Variants in E2F7 observed in about 807,000 individuals in gnomAD.
E2F7 encodes the protein transcription factor E2F7.
E2F7 carries 35 observed loss-of-function variants against 81.1 expected under a neutral mutation model. That is an observed-to-expected ratio of 0.43 (90% CI 0.33 to 0.57). E2F7 has a LOEUF of 0.57. Ranked by LOEUF, E2F7 falls within the 20% of genes least tolerant of loss-of-function variation. The probability of loss-of-function intolerance (pLI) is 0.04; values close to 1 mark genes in which losing one functional copy is unlikely to be tolerated. For missense variants in E2F7, 961 were observed against 1,093.7 expected, an observed-to-expected ratio of 0.88 and a Z score of 1.71; for synonymous variants, 416 against 416.2, an observed-to-expected ratio of 1.00 and a Z score of 0.01.
chr12:77,042,995 A>G, intron 7 of E2F7, 70 bp downstream of exon 7: 2 of 1,604,982 alleles, frequency 1.2e-6, no homozygotes, highest in Non-Finnish European at 1.7e-6. Context: ...TGTGTAGTAG[A>G]TGTGAGACTT....
chr12:77,035,459 C>A (rs572791636), intron 7 of E2F7, among the ~76,000 whole-genome samples: 20 of 152,254 alleles, frequency 1.3e-4, no homozygotes, highest in African/African-American at 4.8e-4. Context: ...AGTAGAAAAA[C>A]CTCCTAATTC....
At chr12:77,042,237 T>C (rs1954899722) in intron 7 of E2F7, among the ~76,000 whole-genome samples, 1 of 152,202 alleles carries the variant, frequency 6.6e-6, no homozygotes, top group African/African-American at 2.4e-5. Flanking sequence ...CCACACTCAG[T>C]GCATACGCAC....
At chr12:77,029,647 C>A (rs893464600) in intron 10 of E2F7, among the ~76,000 whole-genome samples, 184 bp downstream of exon 10, 1 of 152,146 alleles carries the variant, frequency 6.6e-6, no homozygotes, top group African/African-American at 2.4e-5. Context: ...TAAAAATCAC[C>A]TTTCTTATGC....
intron 2 of E2F7, among the ~76,000 whole-genome samples, chr12:77,056,372 G>T (rs1955032645): frequency 2.0e-5 from 3 of 152,220 alleles, no homozygotes; most frequent in Admixed American, 2.0e-4. Flanking sequence ...CTCTGTAAAA[G>T]AAATCACAAC....
At chr12:77,028,242 G>C in intron 10 of E2F7, 104 bp from the exon 11 acceptor site, 1 of 1,424,398 alleles carries the variant, frequency 7.0e-7, no homozygotes, top group Non-Finnish European at 9.3e-7. Flanking sequence ...GCCCAAGCTG[G>C]AGTGCAGTGG....
chr12:77,026,679 A>T lies in E2F7; in HGVS notation c.2141-697T>A, dbSNP rs924142312. Among the ~76,000 whole-genome samples the T allele has an allele frequency of 3.3e-5, 5 of 152,354 alleles. No individual in the cohort carries two copies. In the South Asian group the frequency reaches 8.3e-4, roughly 25 times the overall value. Reference sequence around the variant, plus strand: ...CAGGCAACAAATTAACAATTTTAACAGTACCTTGACTTTGTCATTAGGAAA... The same window carrying T: ...CAGGCAACAAATTAACAATTTTAACTGTACCTTGACTTTGTCATTAGGAAA... On this transcript the variant is annotated intron_variant, in intron 11 of 12. Coordinates refer to ENST00000322886, the MANE Select transcript of E2F7 (RefSeq NM_203394.3).
chr12:77,054,211 C>A (rs117043444), intron 3 of E2F7, among the ~76,000 whole-genome samples: 3,361 of 151,822 alleles, frequency 0.022, 79 homozygotes, highest in East Asian at 0.034. Context: ...TGCACATGTA[C>A]CCACTGAACT....
chr12:77,065,197 A>G (rs927456031), intron 1 of E2F7, 148 bp downstream of exon 1: 2 of 152,262 alleles, frequency 1.3e-5, no homozygotes, highest in African/African-American at 4.8e-5. Flanking sequence ...CACCCGGCAC[A>G]CCCTCTGCGC....
In E2F7 at chr12:77,055,976, G is replaced by C; in HGVS notation, c.248C>G (p.Pro83Arg). Reference protein sequence around the residue: ...VDRQQAEPWTPTANLKMLISA... With the variant: ...VDRQQAEPWTRTANLKMLISA... Reference sequence around the variant, plus strand: ...AATGAGCATCTTCAGGTTAGCTGTGGGTGTCCATGGTTCCGCTTGCTGTCT... The same window carrying C: ...AATGAGCATCTTCAGGTTAGCTGTGCGTGTCCATGGTTCCGCTTGCTGTCT... The change falls in exon 3 of 13, where the codon CCC becomes CGC. Residue 83 changes from proline (P) to arginine (R), a missense_variant. Pro to Arg is a moderately radical substitution (Grantham distance 103). Coordinates refer to ENST00000322886, the MANE Select transcript of E2F7 (RefSeq NM_203394.3). The C allele has an allele frequency of 6.2e-7, 1 of 1,614,124 alleles. No individual in the cohort carries two copies. The highest frequency in any genetic ancestry group is 1.1e-5 in the South Asian group (1 of 91,080).
At chr12:77,054,954 C>A (rs1955020298) in intron 3 of E2F7, among the ~76,000 whole-genome samples, 1 of 152,022 alleles carries the variant, frequency 6.6e-6, no homozygotes, top group African/African-American at 2.4e-5. Context: ...TGATTTGAAC[C>A]TAAGGCCTTA....
intron 7 of E2F7, among the ~76,000 whole-genome samples, chr12:77,034,949 A>G (rs932577183): frequency 1.3e-5 from 2 of 152,252 alleles, no homozygotes; most frequent in African/African-American, 4.8e-5. Context: ...AGAAATTACG[A>G]AATCAAAAAG....
At chr12:77,063,215 C>CA (rs1381329851) in intron 2 of E2F7, among the ~76,000 whole-genome samples, 1 of 152,078 alleles carries the variant, frequency 6.6e-6, no homozygotes, top group Non-Finnish European at 1.5e-5. Flanking sequence ...CTCCAAAGCA[C>CA]AAGAGTAGTG....
intron 2 of E2F7, among the ~76,000 whole-genome samples, chr12:77,064,293 T>G (rs535880507): frequency 2.0e-5 from 3 of 152,360 alleles, no homozygotes; most frequent in African/African-American, 4.8e-5. Flanking sequence ...AGCCAGCATA[T>G]TTTTGACTTA....
At chr12:77,064,877 A>G (rs1955105574) in intron 1 of E2F7, among the ~76,000 whole-genome samples, 1 of 152,226 alleles carries the variant, frequency 6.6e-6, no homozygotes, top group Admixed American at 6.5e-5. Flanking sequence ...CTACAAAAAT[A>G]GTAACTCCTT....
At chr12:77,051,220 A>C (rs922913070) in intron 3 of E2F7, among the ~76,000 whole-genome samples, 5 of 152,332 alleles carry the variant, frequency 3.3e-5, no homozygotes, top group African/African-American at 9.6e-5. Flanking sequence ...AGGTTGATGA[A>C]AGTGAATGAA....
chr12:77,025,484 G>T, intron 12 of E2F7, 74 bp downstream of exon 12: 1 of 1,532,830 alleles, frequency 6.5e-7, no homozygotes, highest in Non-Finnish European at 8.9e-7. Context: ...GCAGTCATGT[G>T]GCTAAAATGA....
chr12:77,054,645 T>C (rs1423173561), intron 3 of E2F7, among the ~76,000 whole-genome samples: 1 of 152,120 alleles, frequency 6.6e-6, no homozygotes, highest in Non-Finnish European at 1.5e-5. Context: ...AACCAAAATT[T>C]TAATTGTTTT....
chr12:77,064,670 CA>C (rs759575889), intron 1 of E2F7, 35 bp from the exon 2 acceptor site: 1 of 1,583,310 alleles, frequency 6.3e-7, no homozygotes, highest in Admixed American at 1.8e-5. Flanking sequence ...AATGATTTTG[CA>C]ATTAGGTATT....
intron 2 of E2F7, among the ~76,000 whole-genome samples, chr12:77,062,613 A>G (rs1392625167): frequency 6.6e-6 from 1 of 152,114 alleles, no homozygotes; most frequent in Non-Finnish European, 1.5e-5. Context: ...CCCCACACAC[A>G]TTAGAATGTG....
Sources: allele counts gnomAD v4.1 joint callset (sites outside exome capture counted in the v4.1 genomes callset), GRCh38; gene constraint gnomAD v4.1.1; transcripts MANE v1.5; gene names NCBI Gene and HGNC (gene_info 2026-07-23, HGNC 2026-07-21).